Variants in INSYN2B observed in about 807,000 individuals in gnomAD.
INSYN2B encodes protein INSYN2B.
A neutral mutation model predicts 41.2 loss-of-function variants in INSYN2B; 16 were observed. The observed-to-expected ratio is 0.39, with a 90% CI of 0.26 to 0.59. The LOEUF is 0.59. Among genes scored for constraint, INSYN2B ranks in the 20% least tolerant of loss-of-function variants. INSYN2B has a pLI of 0.57. For synonymous variants in INSYN2B, 245 were observed against 244.4 expected, an observed-to-expected ratio of 1.00 and a Z score of -0.02; for missense variants, 608 against 646.4, an observed-to-expected ratio of 0.94 and a Z score of 0.64.
Position 169,887,017 on chromosome 5 carries a change from A to C in INSYN2B, c.-918-2201T>G, listed in dbSNP as rs533036008. Among the ~76,000 whole-genome samples the C allele has an allele frequency of 1.2e-3, 185 of 152,350 alleles. 3 individuals carry two copies. The highest frequency in any genetic ancestry group is 7.9e-4 in the Non-Finnish European group (54 of 68,032). On this transcript the variant is annotated intron_variant, in intron 1 of 3. Coordinates refer to ENST00000377365, the MANE Select transcript of INSYN2B (RefSeq NM_001129891.3). Reference sequence around the variant, plus strand: ...TATAAATGAGGGAACTGAGGCACAGAAGATGAATATATTTATACCAAGTTA... The same window carrying C: ...TATAAATGAGGGAACTGAGGCACAGCAGATGAATATATTTATACCAAGTTA...
intron 1 of INSYN2B, among the ~76,000 whole-genome samples, chr5:169,930,942 A>G (rs977614211): frequency 2.0e-5 from 3 of 152,202 alleles, no homozygotes; most frequent in Non-Finnish European, 4.4e-5. Flanking sequence ...ATCACATGTC[A>G]TGGGCCAGTC....
At chr5:169,869,735 G>A (rs1050523869) in intron 3 of INSYN2B, among the ~76,000 whole-genome samples, 49 of 152,324 alleles carry the variant, frequency 3.2e-4, no homozygotes, top group Admixed American at 2.4e-3. Flanking sequence ...TTAGCAGAGC[G>A]TTGTTTGCAG....
At chr5:169,934,733 G>A (rs1319052134) in intron 1 of INSYN2B, 4 of 456,058 alleles carry the variant, frequency 8.8e-6, no homozygotes, top group Non-Finnish European at 1.8e-5. Context: ...TTAGCACAGG[G>A]CTGCTCACGG....
chr5:169,960,470 T>C (rs1438247433), intron 1 of INSYN2B, among the ~76,000 whole-genome samples: 1 of 152,206 alleles, frequency 6.6e-6, no homozygotes, highest in Non-Finnish European at 1.5e-5. Context: ...GTGAGTAGGC[T>C]CAAATCTCAT....
At chr5:169,943,831 C>T (rs903381144) in intron 1 of INSYN2B, among the ~76,000 whole-genome samples, 12 of 152,188 alleles carry the variant, frequency 7.9e-5, no homozygotes, top group South Asian at 2.1e-4. Flanking sequence ...CTCTGACGCT[C>T]ATTAAGTTTG....
intron 1 of INSYN2B, among the ~76,000 whole-genome samples, chr5:169,971,522 G>A (rs558612805): frequency 3.8e-4 from 58 of 150,694 alleles, no homozygotes; most frequent in Middle Eastern, 3.4e-3. Flanking sequence ...CTTGGAGTCA[G>A]CTTTTCAAAC....
intron 1 of INSYN2B, among the ~76,000 whole-genome samples, chr5:169,931,248 AG>A (rs1294804926): frequency 1.3e-5 from 2 of 152,232 alleles, no homozygotes; most frequent in African/African-American, 4.8e-5. Context: ...GACGACCAGG[AG>A]AGTGAGGAAG....
At chr5:169,869,177 G>A (rs1581323833) in intron 3 of INSYN2B, among the ~76,000 whole-genome samples, 1 of 152,052 alleles carries the variant, frequency 6.6e-6, no homozygotes, top group South Asian at 2.1e-4. Flanking sequence ...CAGTAGCTGC[G>A]CACCTTACCA....
At chr5:169,948,855 G>A (rs1014603227) in intron 1 of INSYN2B, among the ~76,000 whole-genome samples, 10 of 151,796 alleles carry the variant, frequency 6.6e-5, no homozygotes, top group African/African-American at 2.2e-4. Flanking sequence ...CAGCTCCCCA[G>A]TGACTGGCAC....
At chr5:169,929,809 C>A (rs183756120) in intron 1 of INSYN2B, among the ~76,000 whole-genome samples, 1 of 151,382 alleles carries the variant, frequency 6.6e-6, no homozygotes, top group East Asian at 1.9e-4. Flanking sequence ...AAAGCTTGAC[C>A]TAGCACTTTC....
intron 1 of INSYN2B, among the ~76,000 whole-genome samples, chr5:169,932,490 G>A (rs998395790): frequency 6.6e-6 from 1 of 152,222 alleles, no homozygotes; most frequent in Non-Finnish European, 1.5e-5. Context: ...GATGGAACAT[G>A]CTTCTGGGTG....
At chr5:169,875,082 T>C (rs753683236) in intron 3 of INSYN2B, 12 of 401,368 alleles carry the variant, frequency 3.0e-5, no homozygotes, top group East Asian at 7.1e-5. Context: ...CTAAAGCTAC[T>C]CTCTGGGCTA....
At chr5:169,974,651 C>T (rs951768961) in intron 1 of INSYN2B, among the ~76,000 whole-genome samples, 3 of 151,850 alleles carry the variant, frequency 2.0e-5, no homozygotes, top group African/African-American at 7.3e-5. Flanking sequence ...AGCTCCATAC[C>T]CTAGCAATGC....
chr5:169,883,756 G>A lies in INSYN2B; in HGVS notation c.143C>T (p.Pro48Leu). Residue 48 changes from proline (P) to leucine (L), a missense_variant, in exon 2 of 4, where the codon CCA becomes CTA. Transcript: ENST00000377365. ...RFKEDGTTKN[P>L]TGLAEVDVQT... ...GACGTCAACCTCAGCTAGGCCAGTT[G>A]GATTCTTAGTGGTCCCATCTTCCTT... The A allele has an allele frequency of 1.9e-6, 3 of 1,551,596 alleles. No homozygotes were observed. The highest frequency in any genetic ancestry group is 1.7e-6 in the Non-Finnish European group (2 of 1,146,940).
intron 1 of INSYN2B, among the ~76,000 whole-genome samples, chr5:169,945,579 C>G (rs1776414636): frequency 6.6e-6 from 1 of 152,198 alleles, no homozygotes; most frequent in African/African-American, 2.4e-5. Flanking sequence ...GTGAGAAAAT[C>G]AGGGCTCAGA....
At chr5:169,929,418 C>T (rs1775634558) in intron 1 of INSYN2B, among the ~76,000 whole-genome samples, 1 of 152,068 alleles carries the variant, frequency 6.6e-6, no homozygotes, top group Non-Finnish European at 1.5e-5. Context: ...GCTTATCTTG[C>T]CATGGGATGA....
intron 1 of INSYN2B, among the ~76,000 whole-genome samples, chr5:169,979,100 G>A (rs1342136502): frequency 2.0e-5 from 3 of 152,120 alleles, no homozygotes; most frequent in Non-Finnish European, 2.9e-5. Context: ...ATTTCTGCCC[G>A]GGATGAAAAG....
intron 3 of INSYN2B, among the ~76,000 whole-genome samples, chr5:169,876,607 G>T (rs1396242938): frequency 6.6e-6 from 1 of 152,232 alleles, no homozygotes; most frequent in Non-Finnish European, 1.5e-5. Flanking sequence ...AGTCATCAAA[G>T]AAAGGTTCTC....
intron 1 of INSYN2B, among the ~76,000 whole-genome samples, chr5:169,952,588 G>A (rs1353219090): frequency 6.6e-6 from 1 of 152,038 alleles, no homozygotes; most frequent in Non-Finnish European, 1.5e-5. Flanking sequence ...AGACTGTACA[G>A]GAGTCAATAC....
Sources: gnomAD v4.1 joint callset for allele counts (sites outside exome capture counted in the v4.1 genomes callset) on GRCh38, gnomAD v4.1.1 for gene constraint, MANE v1.5 for transcripts, NCBI Gene and HGNC (gene_info 2026-07-23, HGNC 2026-07-21) for gene names.